The following TBC1D4 variants were observed in gnomAD, a reference collection of about 807,000 sequenced individuals.
The protein encoded by TBC1D4 is TBC (Tre-2, BUB2, CDC16) domain-containing protein.
A neutral mutation model predicts 142.5 loss-of-function variants in TBC1D4; 121 were observed. The observed-to-expected ratio is 0.85, with a 90% CI of 0.73 to 0.99. TBC1D4 has a LOEUF of 0.99. Ranked by LOEUF, TBC1D4 falls within the 50% of genes least tolerant of loss-of-function variation. The pLI is 0.00. For synonymous variants in TBC1D4, 630 were observed against 628.2 expected, an observed-to-expected ratio of 1.00 and a Z score of -0.04; for missense variants, 1,475 against 1,606.6, an observed-to-expected ratio of 0.92 and a Z score of 1.40.
intron 1 of TBC1D4, among the ~76,000 whole-genome samples, chr13:75,421,728 C>A (rs531935721): frequency 1.2e-4 from 19 of 152,294 alleles, no homozygotes; most frequent in African/African-American, 3.1e-4. Flanking sequence ...AAATGTACCT[C>A]ATTTCCTTTA....
chr13:75,371,773 A>G (rs1486910106), intron 1 of TBC1D4, among the ~76,000 whole-genome samples: 1 of 152,166 alleles, frequency 6.6e-6, no homozygotes, highest in African/African-American at 2.4e-5. Flanking sequence ...ATGTAGGTAA[A>G]ACTGTTTTCT....
chr13:75,413,441 T>TGA lies in TBC1D4; in HGVS notation c.499-50836_499-50835dup, dbSNP rs1253090145. On this transcript the variant is annotated intron_variant, in intron 1 of 20. Transcript: ENST00000377636. Reference sequence around the variant, plus strand: ...TCCCAAAGTGCTGGGATTACAGGCGTGAGCCACCGCACCCGGCCAAATTTG... The same window carrying TGA: ...TCCCAAAGTGCTGGGATTACAGGCGTGAGAGCCACCGCACCCGGCCAAATTTG... 2.6e-5 allele frequency among the ~76,000 whole-genome samples: 4 copies of TGA among 152,220 alleles called. No homozygotes were observed. In the East Asian group the frequency reaches 7.7e-4, roughly 29 times the overall value.
intron 1 of TBC1D4, among the ~76,000 whole-genome samples, chr13:75,393,859 G>A (rs1334853178): frequency 4.0e-5 from 6 of 150,700 alleles, no homozygotes; most frequent in South Asian, 2.1e-4. Flanking sequence ...CCAGGGAGAC[G>A]AAGGTTGCAG....
intron 3 of TBC1D4, among the ~76,000 whole-genome samples, chr13:75,358,585 T>C (rs1025135883): frequency 4.6e-5 from 7 of 152,158 alleles, no homozygotes; most frequent in African/African-American, 1.2e-4. Flanking sequence ...TGGTGGCTCA[T>C]GCTTGTTAAT....
rs1454601172 is a variant in TBC1D4 at position 75,329,683 on chromosome 13, T to C, written c.1732-1857A>G. 2.6e-5 allele frequency among the ~76,000 whole-genome samples: 4 copies of C among 152,314 alleles called. No individual in the cohort carries two copies. The East Asian group carries it at 7.7e-4, about 29-fold the overall frequency. The stretch of plus-strand genomic sequence containing the variant: ...GGTGAGGCACATTCTCCGGGTGCTT[T>C]CTGAGAAAGGGAGAGTGGGAACTAA... On this transcript the variant is annotated intron_variant, in intron 8 of 20. Coordinates refer to ENST00000377636, the MANE Select transcript of TBC1D4 (RefSeq NM_014832.5).
chr13:75,424,389 T>C (rs1886293284), intron 1 of TBC1D4, among the ~76,000 whole-genome samples: 1 of 152,166 alleles, frequency 6.6e-6, no homozygotes, highest in African/African-American at 2.4e-5. Context: ...TTGTATTTTT[T>C]GATGTTTTTT....
intron 1 of TBC1D4, among the ~76,000 whole-genome samples, chr13:75,439,490 T>C (rs988514107): frequency 6.6e-6 from 1 of 152,228 alleles, no homozygotes. Context: ...CCAGAGTATT[T>C]AACAGAAATT....
chr13:75,399,793 A>C (rs1884990897), intron 1 of TBC1D4, among the ~76,000 whole-genome samples: 1 of 152,240 alleles, frequency 6.6e-6, no homozygotes. Flanking sequence ...AGAATGTAGC[A>C]GAACTAATGT....
chr13:75,331,210 T>C (rs934549625), intron 8 of TBC1D4, among the ~76,000 whole-genome samples: 4 of 152,168 alleles, frequency 2.6e-5, no homozygotes, highest in South Asian at 2.1e-4. Context: ...TTAGTAAATA[T>C]TGGCTTGGCA....
intron 1 of TBC1D4, among the ~76,000 whole-genome samples, chr13:75,475,677 C>A (rs982732084): frequency 2.6e-5 from 4 of 152,212 alleles, no homozygotes; most frequent in Non-Finnish European, 5.9e-5. Flanking sequence ...AGTTTCCTCA[C>A]CAAGCAATTA....
At chr13:75,399,421 G>C (rs1337436758) in intron 1 of TBC1D4, among the ~76,000 whole-genome samples, 1 of 152,026 alleles carries the variant, frequency 6.6e-6, no homozygotes, top group Admixed American at 6.6e-5. Context: ...GTGTCTACTG[G>C]GCTTATATCA....
intron 1 of TBC1D4, among the ~76,000 whole-genome samples, chr13:75,368,985 A>T (rs150260967): frequency 1.6e-4 from 24 of 152,266 alleles, no homozygotes; most frequent in African/African-American, 5.8e-4. Context: ...CAGAGGTTGC[A>T]GTGAGCAGAG....
chr13:75,418,918 G>A (rs780169974), intron 1 of TBC1D4, among the ~76,000 whole-genome samples: 10 of 152,196 alleles, frequency 6.6e-5, no homozygotes, highest in Non-Finnish European at 1.2e-4. Context: ...GTGGATTGAA[G>A]ACTGGGGCAA....
chr13:75,382,908 A>C (rs911513074), intron 1 of TBC1D4, among the ~76,000 whole-genome samples: 2 of 152,202 alleles, frequency 1.3e-5, no homozygotes, highest in African/African-American at 4.8e-5. Flanking sequence ...GACTTCTTTT[A>C]ATCTGTTTAC....
In TBC1D4 at chr13:75,349,262, G is replaced by A. The variant is rs368045312; in HGVS notation, c.1316C>T (p.Thr439Met). ...CTTGGCACTCTGCAGGGCAGCCGCCGTACTGAAGGCCTGTTTCAGAGTCAG... is the reference window on the plus strand; with the variant it reads ...CTTGGCACTCTGCAGGGCAGCCGCCATACTGAAGGCCTGTTTCAGAGTCAG... The part of the protein sequence containing the change: ...VMLTLKQAFS[T>M]AAALQSAKTQ... Residue 439 changes from threonine to methionine, a missense_variant, in exon 5 of 21, where the codon ACG becomes ATG. Physicochemically the swap from Thr to Met is moderately conservative, Grantham distance 81 (BLOSUM62 -1). Coordinates refer to ENST00000377636, the MANE Select transcript of TBC1D4 (RefSeq NM_014832.5). The A allele has an allele frequency of 4.3e-5, 69 of 1,613,808 alleles. No homozygotes were observed. Among genetic ancestry groups the A allele is most frequent in the Middle Eastern group, 1.6e-4 (1 of 6,082 alleles).
rs950669075 is a variant in TBC1D4, at chr13:75,481,197, C to T, written c.498+73G>A. On this transcript the variant is annotated intron_variant, in intron 1 of 20. Coordinates refer to ENST00000377636, the MANE Select transcript of TBC1D4 (RefSeq NM_014832.5). ...CTCAGTCGGTCCTTAAAGTGGGGTC[C>T]CCGCCCCTCCCGCCCTGCTCCCCGA... 3.1e-5 allele frequency: 36 copies of T among 1,163,154 alleles called. 5 individuals are homozygous for T. The highest frequency in any genetic ancestry group is 4.2e-5 in the Non-Finnish European group (35 of 831,878). 72.1% of individuals were successfully genotyped at this position (1,163,154 alleles called of 1,614,324 possible). A position where few individuals can be genotyped will look rare whatever the true frequency, so the allele number is the denominator to read the frequency against.
At chr13:75,377,496 C>T (rs1883581914) in intron 1 of TBC1D4, among the ~76,000 whole-genome samples, 1 of 151,964 alleles carries the variant, frequency 6.6e-6, no homozygotes, top group African/African-American at 2.4e-5. Context: ...AACAAAAGGG[C>T]CCACATGCAA....
chr13:75,302,653 G>A, intron 15 of TBC1D4: 1 of 541,060 alleles, frequency 1.8e-6, no homozygotes, highest in Non-Finnish European at 3.3e-6. Flanking sequence ...ACCCGTTGCT[G>A]ACTGAGCATT....
chr13:75,389,841 T>C (rs1311258074), intron 1 of TBC1D4, among the ~76,000 whole-genome samples: 1 of 152,172 alleles, frequency 6.6e-6, no homozygotes, highest in East Asian at 1.9e-4. Context: ...CAGACAATGT[T>C]GGCAGAAAAG....
Sources: gnomAD v4.1 joint callset for allele counts (sites outside exome capture counted in the v4.1 genomes callset) on GRCh38, gnomAD v4.1.1 for gene constraint, MANE v1.5 for transcripts, NCBI Gene and HGNC (gene_info 2026-07-23, HGNC 2026-07-21) for gene names.